DAB1: variants seen among roughly 807,000 people sequenced by gnomAD.
The protein encoded by DAB1 is disabled homolog 1.
Under a neutral mutation model 64.6 loss-of-function variants are expected in DAB1, and 15 were observed. The observed-to-expected ratio is 0.23, with a 90% confidence interval of 0.16 to 0.36. DAB1 has a LOEUF of 0.36. Ranked by LOEUF, DAB1 falls within the 10% of genes least tolerant of loss-of-function variation. The pLI is 1.00. For synonymous variants in DAB1, 235 were observed against 251.9 expected (o/e 0.93, Z 0.64); for missense variants, 596 against 706.7 (o/e 0.84, Z 1.78).
intron 8 of DAB1, 42 bp downstream of exon 8, chr1:57,069,318 C>T (rs904006116): frequency 3.4e-6 from 5 of 1,453,908 alleles, no homozygotes; most frequent in South Asian, 1.1e-5. Context: ...TATGCATGTA[C>T]TAGTAGTGGT....
chr1:57,455,931 TTCA>T (rs1333078220), intron 7 of DAB1, among the ~76,000 whole-genome samples: 1 of 152,184 alleles, frequency 6.6e-6, no homozygotes, highest in Non-Finnish European at 1.5e-5. Flanking sequence ...TCTGCCTGAA[TTCA>T]TCATTAAAAA....
intron 7 of DAB1, among the ~76,000 whole-genome samples, chr1:57,606,529 A>ATATATTATATAT (rs1645644309): frequency 1.1e-5 from 1 of 88,590 alleles, no homozygotes; most frequent in African/African-American, 3.8e-5. Context: ...ATAATATATA[A>ATATATTATATAT]TATATATGAA....
At chr1:57,068,791 C>G (rs1427267462) in intron 8 of DAB1, among the ~76,000 whole-genome samples, 2 of 152,184 alleles carry the variant, frequency 1.3e-5, no homozygotes, top group East Asian at 1.9e-4. Flanking sequence ...CTCGGCTTCT[C>G]TCTCTGAGTC....
chr1:57,348,556 T>C (rs1467189879), intron 1 of DAB1, among the ~76,000 whole-genome samples: 1 of 152,168 alleles, frequency 6.6e-6, no homozygotes, highest in Admixed American at 6.6e-5. Context: ...ACAGATGAAA[T>C]AACTGAGGCA....
intron 6 of DAB1, among the ~76,000 whole-genome samples, chr1:57,664,762 G>A (rs1646426799): frequency 6.6e-6 from 1 of 151,916 alleles, no homozygotes; most frequent in Non-Finnish European, 1.5e-5. Context: ...AAGCCATTAA[G>A]TGATAATAAA....
chr1:58,414,229 G>A (rs2100209601), intron 3 of DAB1, among the ~76,000 whole-genome samples: 1 of 151,652 alleles, frequency 6.6e-6, no homozygotes, highest in Middle Eastern at 3.4e-3. Context: ...TCCACTCAAT[G>A]GCCCAGTCCC....
At chr1:57,500,337 C>T (rs554876062) in intron 7 of DAB1, among the ~76,000 whole-genome samples, 3 of 152,270 alleles carry the variant, frequency 2.0e-5, no homozygotes, top group African/African-American at 4.8e-5. Flanking sequence ...GCACAGAAAA[C>T]GAAGCCTGCC....
chr1:57,950,061 T>C (rs896368563), intron 5 of DAB1, among the ~76,000 whole-genome samples: 7 of 152,170 alleles, frequency 4.6e-5, no homozygotes, highest in African/African-American at 1.7e-4. Flanking sequence ...AGACGGCTTA[T>C]TGCATGCCCT....
intron 6 of DAB1, among the ~76,000 whole-genome samples, chr1:57,799,645 G>C (rs1651035157): frequency 6.6e-6 from 1 of 151,934 alleles, no homozygotes; most frequent in South Asian, 2.1e-4. Flanking sequence ...TAGAACCAGG[G>C]TCAACAAACT....
intron 5 of DAB1, among the ~76,000 whole-genome samples, chr1:58,001,628 A>G (rs1253017893): frequency 2.0e-5 from 3 of 152,254 alleles, no homozygotes; most frequent in Non-Finnish European, 2.9e-5. Context: ...GCTTTAGGAA[A>G]GGTCTCATTG....
chr1:58,229,940 T>A (rs926458964), intron 4 of DAB1, among the ~76,000 whole-genome samples: 3 of 152,188 alleles, frequency 2.0e-5, no homozygotes, highest in African/African-American at 7.2e-5. Flanking sequence ...TAGTGGCAGA[T>A]CTGAGATGAG....
At chr1:58,348,065 A>G (rs1439140577) in intron 3 of DAB1, among the ~76,000 whole-genome samples, 3 of 152,070 alleles carry the variant, frequency 2.0e-5, no homozygotes, top group African/African-American at 7.2e-5. Flanking sequence ...GGCTTCTTAT[A>G]CTTGCTAATG....
At chr1:57,631,717 A>AT (rs1645991556) in intron 7 of DAB1, among the ~76,000 whole-genome samples, 1 of 152,252 alleles carries the variant, frequency 6.6e-6, no homozygotes, top group South Asian at 2.1e-4. Flanking sequence ...AAAAATTGAA[A>AT]TAACAGAATT....
intron 5 of DAB1, among the ~76,000 whole-genome samples, chr1:58,094,307 T>A (rs531211226): frequency 6.6e-6 from 1 of 152,344 alleles, no homozygotes; most frequent in African/African-American, 2.4e-5. Flanking sequence ...GAATTAAATA[T>A]CCTTTGTTTT....
At chr1:58,168,606 C>T (rs1231618217) in intron 4 of DAB1, among the ~76,000 whole-genome samples, 2 of 152,038 alleles carry the variant, frequency 1.3e-5, no homozygotes, top group Non-Finnish European at 2.9e-5. Flanking sequence ...TAATTTTTGC[C>T]CAAAGCCCCA....
chr1:57,011,012 G>T, intron 13 of DAB1, 133 bp downstream of exon 13: 1 of 1,224,102 alleles, frequency 8.2e-7, no homozygotes. Context: ...AGCCCCTTTA[G>T]CAACCCCTTG....
chr1:57,549,997 A>G (rs1001172717), intron 7 of DAB1, among the ~76,000 whole-genome samples: 1 of 152,176 alleles, frequency 6.6e-6, no homozygotes, highest in South Asian at 2.1e-4. Context: ...CAAGACTGAC[A>G]TCAAATGAGT....
At chr1:57,239,025 C>T (rs888303730) in intron 2 of DAB1, among the ~76,000 whole-genome samples, 9 of 152,006 alleles carry the variant, frequency 5.9e-5, no homozygotes, top group Non-Finnish European at 1.0e-4. Flanking sequence ...GACTTCATGT[C>T]CCCAGTTTTG....
intron 4 of DAB1, among the ~76,000 whole-genome samples, chr1:58,221,198 T>C (rs1438097692): frequency 6.6e-6 from 1 of 152,074 alleles, no homozygotes. Flanking sequence ...ACAGCTTGCC[T>C]GAGAAAATAT....
Sources: allele counts gnomAD v4.1 joint callset (sites outside exome capture counted in the v4.1 genomes callset), GRCh38; gene constraint gnomAD v4.1.1; transcripts MANE v1.5; gene names NCBI Gene and HGNC (gene_info 2026-07-23, HGNC 2026-07-21).